The following DLC1 variants were observed in gnomAD, a reference collection of about 807,000 sequenced individuals.
DLC1 encodes DLC1 Rho GTPase activating protein, also known as rho GTPase-activating protein 7.
DLC1 carries 54 observed loss-of-function variants against 140.3 expected under a neutral mutation model. The ratio of observed to expected loss-of-function variants is 0.38; its 90% CI spans 0.31 to 0.48. The LOEUF (loss-of-function observed/expected upper bound fraction) is 0.48. Among genes scored for constraint, DLC1 ranks in the 20% least tolerant of loss-of-function variants. The pLI is 0.96. For synonymous variants in DLC1, 986 were observed against 728.1 expected, an observed-to-expected ratio of 1.35 and a Z score of -5.70; for missense variants, 2,536 against 1,907.0, an observed-to-expected ratio of 1.33 and a Z score of -6.14.
At chr8:13,373,205 G>A (rs1029700430) in intron 4 of DLC1, among the ~76,000 whole-genome samples, 5 of 151,998 alleles carry the variant, frequency 3.3e-5, no homozygotes. Flanking sequence ...GGTGCAAACG[G>A]GTGACTGAAT....
At chr8:13,271,974 C>T (rs910641411) in intron 5 of DLC1, among the ~76,000 whole-genome samples, 2 of 152,220 alleles carry the variant, frequency 1.3e-5, no homozygotes, top group Non-Finnish European at 2.9e-5. Context: ...TGTACCCAGG[C>T]TCTTAAATGT....
At chr8:13,478,818 CTT>C (rs1028579474) in intron 2 of DLC1, among the ~76,000 whole-genome samples, 1 of 152,168 alleles carries the variant, frequency 6.6e-6, no homozygotes, top group African/African-American at 2.4e-5. Context: ...TAATACATAA[CTT>C]TGCTCACTTT....
chr8:13,574,484 G>A (rs1804768851), intron 1 of DLC1, among the ~76,000 whole-genome samples: 1 of 151,942 alleles, frequency 6.6e-6, no homozygotes, highest in Admixed American at 6.6e-5. Context: ...TTCTAATACA[G>A]GTGAAATAGA....
At chr8:13,360,414 C>T (rs574647844) in intron 4 of DLC1, among the ~76,000 whole-genome samples, 1 of 152,206 alleles carries the variant, frequency 6.6e-6, no homozygotes, top group South Asian at 2.1e-4. Context: ...TCACTGTAGC[C>T]AGGGTTGCAA....
At chr8:13,184,856 T>G (rs1243869694) in intron 5 of DLC1, among the ~76,000 whole-genome samples, 1 of 152,208 alleles carries the variant, frequency 6.6e-6, no homozygotes, top group Non-Finnish European at 1.5e-5. Context: ...ATATCCTTAT[T>G]AACCTTCTGA....
chr8:13,229,737 A>C (rs2117193914), intron 5 of DLC1, among the ~76,000 whole-genome samples: 1 of 152,244 alleles, frequency 6.6e-6, no homozygotes, highest in East Asian at 1.9e-4. Context: ...AAAGTGGGTG[A>C]CTTTACCAAG....
chr8:13,183,944 C>T (rs750359309), intron 5 of DLC1, among the ~76,000 whole-genome samples: 1 of 152,178 alleles, frequency 6.6e-6, no homozygotes, highest in Non-Finnish European at 1.5e-5. Context: ...CCATCTGGTC[C>T]TGGACTTTTT....
chr8:13,320,461 A>C (rs1344254858), intron 4 of DLC1, among the ~76,000 whole-genome samples: 1 of 152,222 alleles, frequency 6.6e-6, no homozygotes, highest in Admixed American at 6.5e-5. Flanking sequence ...AAATAAAAAC[A>C]TGAAAACAAT....
chr8:13,513,230 G>C (rs1802455658), intron 1 of DLC1, among the ~76,000 whole-genome samples: 1 of 152,044 alleles, frequency 6.6e-6, no homozygotes. Flanking sequence ...TGTTAGAGGA[G>C]ACCATCTCTT....
intron 1 of DLC1, among the ~76,000 whole-genome samples, chr8:13,540,090 A>T (rs1423398098): frequency 6.6e-6 from 1 of 152,212 alleles, no homozygotes; most frequent in Non-Finnish European, 1.5e-5. Context: ...AATTTCAAGT[A>T]ATCACATAGA....
chr8:13,467,597 G>C (rs940643460), intron 2 of DLC1, among the ~76,000 whole-genome samples: 1 of 152,008 alleles, frequency 6.6e-6, no homozygotes, highest in African/African-American at 2.4e-5. Flanking sequence ...CAAGTGTGAT[G>C]GTACGTGCCT....
chr8:13,231,603 C>T (rs1829049624), intron 5 of DLC1, among the ~76,000 whole-genome samples: 1 of 152,194 alleles, frequency 6.6e-6, no homozygotes, highest in African/African-American at 2.4e-5. Flanking sequence ...TACAATTCTA[C>T]ATATTCTTGT....
intron 4 of DLC1, among the ~76,000 whole-genome samples, chr8:13,386,375 C>G (rs993950734): frequency 5.3e-5 from 8 of 151,922 alleles, no homozygotes; most frequent in African/African-American, 1.9e-4. Context: ...AGTTTGCCAG[C>G]CCCCAAAATT....
chr8:13,585,027 A>G (rs1805250898), intron 1 of DLC1, among the ~76,000 whole-genome samples: 1 of 152,208 alleles, frequency 6.6e-6, no homozygotes, highest in South Asian at 2.1e-4. Flanking sequence ...AAGATTCTTG[A>G]GGAACTCCTG....
chr8:13,292,878 ATAGT>A (rs753365080), intron 5 of DLC1, among the ~76,000 whole-genome samples: 18 of 152,284 alleles, frequency 1.2e-4, no homozygotes, highest in Admixed American at 7.8e-4. Flanking sequence ...AAAATATCAA[ATAGT>A]TAGGAGCAGC....
rs370963472 is a variant in DLC1 at position 13,569,632 on chromosome 8, A to G, written c.-126+34905T>C. On this transcript the variant is annotated intron_variant, in intron 1 of 1. Coordinates refer to the DLC1 transcript ENST00000631382. ...TTTTGTTCTTCCTTTTTATTTTTCA[A>G]CTCAACCCCAAGCTATTTTTCAGCA... 3.3e-5 allele frequency among the ~76,000 whole-genome samples: 5 copies of G among 152,166 alleles called. No homozygotes were observed. The South Asian group carries it at 6.2e-4, about 19-fold the overall frequency.
intron 4 of DLC1, among the ~76,000 whole-genome samples, chr8:13,376,909 A>G (rs1052159076): frequency 6.6e-6 from 1 of 152,168 alleles, no homozygotes; most frequent in African/African-American, 2.4e-5. Context: ...TTTCATGGCT[A>G]TATGGTATAG....
intron 1 of DLC1, among the ~76,000 whole-genome samples, chr8:13,600,383 T>G (rs908701771): frequency 1.3e-5 from 2 of 151,892 alleles, no homozygotes; most frequent in Non-Finnish European, 2.9e-5. Context: ...AGGCTGTTAT[T>G]TTAGTTATTT....
intron 2 of DLC1, among the ~76,000 whole-genome samples, chr8:13,483,376 C>T (rs905232348): frequency 6.6e-6 from 1 of 152,170 alleles, no homozygotes; most frequent in African/African-American, 2.4e-5. Flanking sequence ...AATTCAATCA[C>T]TACAGTATGG....
Sources: allele counts gnomAD v4.1 joint callset (sites outside exome capture counted in the v4.1 genomes callset), GRCh38; gene constraint gnomAD v4.1.1; transcripts MANE v1.5; gene names NCBI Gene and HGNC (gene_info 2026-07-23, HGNC 2026-07-21).